ANK3: variants seen among roughly 807,000 people sequenced by gnomAD.
ANK3 encodes ankyrin 3, also known as ankyrin-3.
Under a neutral mutation model 370.9 loss-of-function variants are expected in ANK3, and 57 were observed. The observed-to-expected ratio is 0.15, with a 90% CI of 0.12 to 0.19. ANK3 has a LOEUF of 0.19. Among genes scored for constraint, ANK3 ranks in the 10% least tolerant of loss-of-function variants. The probability of loss-of-function intolerance (pLI) is 1.00; values close to 1 mark genes in which losing one functional copy is unlikely to be tolerated. For missense variants in ANK3, 4,439 were observed against 5,302.1 expected (o/e 0.84, Z 5.06); for synonymous variants, 1,929 against 1,946.3 (o/e 0.99, Z 0.23).
intron 17 of ANK3, among the ~76,000 whole-genome samples, chr10:60,182,436 C>T (rs1027725464): frequency 1.3e-5 from 2 of 152,136 alleles, no homozygotes; most frequent in Non-Finnish European, 2.9e-5. Context: ...GATTATACTC[C>T]GGTTTTAAAA....
intron 1 of ANK3, among the ~76,000 whole-genome samples, chr10:60,377,422 C>T (rs2060936339): frequency 6.6e-6 from 1 of 152,212 alleles, no homozygotes; most frequent in Admixed American, 6.5e-5. Flanking sequence ...CAATTATGAG[C>T]TTTATGCACC....
chr10:60,506,679 A>C (rs2075949322), intron 2 of ANK3, among the ~76,000 whole-genome samples: 1 of 152,058 alleles, frequency 6.6e-6, no homozygotes, highest in Non-Finnish European at 1.5e-5. Context: ...TATGATGCTT[A>C]TTGGGTCAAA....
In ANK3 at chr10:60,152,799, C is replaced by T. The variant is rs1172459588; in HGVS notation, c.2615-13712G>A. Among the ~76,000 whole-genome samples, 5 of 152,132 alleles carry T rather than the reference C, an allele frequency of 3.3e-5. No individual in the cohort carries two copies. The East Asian group carries it at 9.6e-4, about 29-fold the overall frequency. On this transcript the variant is annotated intron_variant, in intron 23 of 43. Coordinates refer to ENST00000280772, the MANE Select transcript of ANK3 (RefSeq NM_020987.5). ...CATCATCAGCACCTCAGAAGACTCC[C>T]ACATCCCCCACCCCAAACACAGGCC...
intron 23 of ANK3, among the ~76,000 whole-genome samples, chr10:60,148,205 C>T (rs1478288305): frequency 6.6e-6 from 1 of 152,016 alleles, no homozygotes; most frequent in East Asian, 1.9e-4. Context: ...TTATTCATTC[C>T]ACAGAACAAA....
chr10:60,349,639 T>C (rs936796633), intron 1 of ANK3, among the ~76,000 whole-genome samples: 2 of 152,150 alleles, frequency 1.3e-5, no homozygotes, highest in African/African-American at 4.8e-5. Context: ...ACTCTATTTA[T>C]CTGCAAAAAG....
At chr10:60,395,584 C>CTTTCT (rs1555367150) in intron 2 of ANK3, among the ~76,000 whole-genome samples, 1 of 125,446 alleles carries the variant, frequency 8.0e-6, no homozygotes, top group African/African-American at 3.3e-5. Flanking sequence ...TTCTTTCTTT[C>CTTTCT]TTTCTTTCTT....
intron 25 of ANK3, 95 bp from the exon 26 acceptor site, chr10:60,114,426 A>T: frequency 1.9e-6 from 1 of 528,798 alleles, no homozygotes; most frequent in Non-Finnish European, 3.2e-6. Flanking sequence ...CTCTAATTCC[A>T]GATAGACTTA....
intron 1 of ANK3, among the ~76,000 whole-genome samples, chr10:60,321,476 G>T (rs1191368204): frequency 2.6e-5 from 4 of 152,122 alleles, no homozygotes; most frequent in Non-Finnish European, 5.9e-5. Flanking sequence ...GTATAGCCTG[G>T]GAGAAAGACA....
At chr10:60,206,722 G>A (rs1423997917) in intron 10 of ANK3, among the ~76,000 whole-genome samples, 1 of 152,134 alleles carries the variant, frequency 6.6e-6, no homozygotes, top group Non-Finnish European at 1.5e-5. Context: ...GAATCATTTT[G>A]TTTACTATTT....
intron 1 of ANK3, among the ~76,000 whole-genome samples, chr10:60,714,792 C>T (rs187429136): frequency 1.3e-5 from 2 of 152,124 alleles, no homozygotes; most frequent in African/African-American, 4.8e-5. Flanking sequence ...GAGTTTGAGA[C>T]CAGCCTGGGC....
intron 1 of ANK3, among the ~76,000 whole-genome samples, chr10:60,388,130 C>T (rs759018776): frequency 1.6e-4 from 24 of 152,036 alleles, no homozygotes; most frequent in Admixed American, 3.9e-4. Context: ...CTTTGAAATA[C>T]GCCTGCACAC....
chr10:60,292,586 T>G lies in ANK3; in HGVS notation c.115-12947A>C, dbSNP rs1370157809. Among the ~76,000 whole-genome samples, 3 of 152,126 alleles carry G rather than the reference T, an allele frequency of 2.0e-5. 1 individual carries two copies. The highest frequency in any genetic ancestry group is 4.4e-5 in the Non-Finnish European group (3 of 68,008). On this transcript the variant is annotated intron_variant, in intron 1 of 43. Coordinates refer to ENST00000280772, the MANE Select transcript of ANK3 (RefSeq NM_020987.5). ...GGTTTAATAAAATAGCAGTTAATGGTTTCTAATCTGTAAGTGTTCTAGATG... is the reference window on the plus strand; with the variant it reads ...GGTTTAATAAAATAGCAGTTAATGGGTTCTAATCTGTAAGTGTTCTAGATG...
intron 9 of ANK3, among the ~76,000 whole-genome samples, chr10:60,208,810 G>T (rs1012171549): frequency 6.6e-6 from 1 of 152,112 alleles, no homozygotes; most frequent in South Asian, 2.1e-4. Flanking sequence ...TGAATGTAAC[G>T]CATTTCATCT....
In ANK3 at chr10:60,084,388, A is replaced by T. The variant is rs576838274; in HGVS notation, c.4074+214T>A. On this transcript the variant is annotated intron_variant, in intron 32 of 43. Transcript: ENST00000280772. ...GCCACTGCACTCCAGCCTCGGCAACAGAGCAAGGCTCCGTCTCAAAAAAAA... is the reference window on the plus strand; with the variant it reads ...GCCACTGCACTCCAGCCTCGGCAACTGAGCAAGGCTCCGTCTCAAAAAAAA... 299 of 210,072 alleles carry T rather than the reference A, an allele frequency of 1.4e-3. 2 individuals are homozygous for T. The highest frequency in any genetic ancestry group is 6.5e-3 in the African/African-American group (282 of 43,054). 13.0% of individuals were successfully genotyped at this position (210,072 alleles called of 1,614,324 possible).
chr10:60,404,190 A>G (rs2063407081), intron 2 of ANK3, among the ~76,000 whole-genome samples: 1 of 147,556 alleles, frequency 6.8e-6, no homozygotes, highest in South Asian at 2.3e-4. Flanking sequence ...TAGATTCAAC[A>G]TGATCCAATC....
intron 1 of ANK3, among the ~76,000 whole-genome samples, chr10:60,295,895 G>A (rs751199821): frequency 7.9e-5 from 12 of 152,064 alleles, no homozygotes; most frequent in Non-Finnish European, 1.6e-4. Context: ...ATTGTTTTAC[G>A]AGTCTGCAAA....
intron 1 of ANK3, among the ~76,000 whole-genome samples, chr10:60,671,833 A>G (rs547947529): frequency 1.3e-5 from 2 of 152,358 alleles, no homozygotes; most frequent in African/African-American, 2.4e-5. Flanking sequence ...CAAGCACCCT[A>G]TAAAGAAGTC....
intron 11 of ANK3, among the ~76,000 whole-genome samples, chr10:60,203,728 T>G (rs1440554321): frequency 6.6e-6 from 1 of 152,226 alleles, no homozygotes; most frequent in Non-Finnish European, 1.5e-5. Flanking sequence ...TCAGATCCTA[T>G]GCACACATAC....
chr10:60,196,957 G>A (rs1381513825), intron 14 of ANK3, among the ~76,000 whole-genome samples: 2 of 152,136 alleles, frequency 1.3e-5, no homozygotes, highest in African/African-American at 2.4e-5. Flanking sequence ...TGGAGAGCTG[G>A]ATCTGGGGCT....
Sources: allele counts gnomAD v4.1 joint callset (sites outside exome capture counted in the v4.1 genomes callset), GRCh38; gene constraint gnomAD v4.1.1; transcripts MANE v1.5; gene names NCBI Gene and HGNC (gene_info 2026-07-23, HGNC 2026-07-21).